CFAP77: variants seen among roughly 807,000 people sequenced by gnomAD.
CFAP77 encodes cilia- and flagella-associated protein 77.
CFAP77 carries 25 observed loss-of-function variants against 31.1 expected under a neutral mutation model. The observed-to-expected ratio is 0.80, with a 90% CI of 0.59 to 1.12. The LOEUF is 1.12. CFAP77 is among the 50% of genes most tolerant of loss of function. CFAP77 has a pLI of 0.00. For synonymous variants in CFAP77, 151 were observed against 159.9 expected (o/e 0.94, Z 0.42); for missense variants, 377 against 397.3 (o/e 0.95, Z 0.44).
intron 1 of CFAP77, among the ~76,000 whole-genome samples, chr9:132,434,356 C>T (rs1034118946): frequency 2.0e-5 from 3 of 151,860 alleles, no homozygotes; most frequent in Non-Finnish European, 2.9e-5. Context: ...GGAACCAGGT[C>T]TTTTTAAATT....
intron 3 of CFAP77, among the ~76,000 whole-genome samples, chr9:132,515,160 C>T (rs1338453319): frequency 6.6e-6 from 1 of 152,222 alleles, no homozygotes; most frequent in Non-Finnish European, 1.5e-5. Context: ...TCCCCAGGCC[C>T]AGAAAGCCAG....
rs373261701 is a variant in CFAP77, at chr9:132,484,722, C to CT, written c.196-13962dup. Among the ~76,000 whole-genome samples the CT allele has an allele frequency of 5.8e-4, 84 of 145,400 alleles. 1 individual carries two copies. Among genetic ancestry groups the CT allele is most frequent in the African/African-American group, 6.5e-4 (26 of 39,810 alleles). On this transcript the variant is annotated intron_variant, in intron 1 of 5. Transcript: ENST00000393216. ...GTACATGTGTTTGAATGCCTGTTTT[C>CT]TTTTTTTTTTTAAATTTTTGTGGGT...
At chr9:132,489,809 T>G (rs1473951085) in intron 1 of CFAP77, among the ~76,000 whole-genome samples, 2 of 152,092 alleles carry the variant, frequency 1.3e-5, no homozygotes, top group Non-Finnish European at 2.9e-5. Flanking sequence ...TGGCCTGGGC[T>G]GGTGGGGCAG....
At chr9:132,449,776 G>C (rs538453590) in intron 1 of CFAP77, among the ~76,000 whole-genome samples, 1 of 152,310 alleles carries the variant, frequency 6.6e-6, no homozygotes, top group East Asian at 1.9e-4. Context: ...AAAGTGGCTG[G>C]ACATTCCACG....
chr9:132,536,391 CTTTTTTTTT>C (rs35488775), intron 3 of CFAP77, among the ~76,000 whole-genome samples: 2 of 122,348 alleles, frequency 1.6e-5, no homozygotes, highest in South Asian at 2.7e-4. Flanking sequence ...GCTCATAGTT[CTTTTTTTTT>C]TTTTTTTTTT....
At chr9:132,485,024 T>C in intron 1 of CFAP77, among the ~76,000 whole-genome samples, 1 of 152,154 alleles carries the variant, frequency 6.6e-6, no homozygotes, top group Non-Finnish European at 1.5e-5. Flanking sequence ...AATTTTTTTA[T>C]TTTTAGTAGA....
chr9:132,572,396 C>A lies in CFAP77; in HGVS notation c.741C>A (p.Arg247=). 1 of 1,613,514 alleles carries A rather than the reference C, an allele frequency of 6.2e-7. No homozygotes were observed. Among genetic ancestry groups the A allele is most frequent in the Non-Finnish European group, 8.5e-7 (1 of 1,179,912 alleles). The change falls in exon 6 of 6, where the codon CGC becomes CGA. Residue 247 remains arginine, a synonymous_variant. Coordinates refer to ENST00000393216, the MANE Select transcript of CFAP77 (RefSeq NM_001282957.2). ...WHMPHFQKVG[R]HLDTFPTEAD... ...TTCCCTTCTATCCACAGGTGGGCCG[C>A]CACCTTGATACGTTCCCCACGGAGG...
intron 3 of CFAP77, among the ~76,000 whole-genome samples, chr9:132,515,098 G>A (rs749920734): frequency 2.0e-5 from 3 of 152,188 alleles, no homozygotes; most frequent in Admixed American, 6.5e-5. Context: ...ACCACTTGGC[G>A]GGGGTGGGGG....
At position 132,424,284 on chromosome 9, in the gene CFAP77, C is replaced by G. The variant is rs536568485; in HGVS notation, c.195+13818C>G. ...CGGCATGGCCTCGGGTGCCTGTAGT[C>G]CCAGCTACTCAGGAGGCTGAGGCAG... On this transcript the variant is annotated intron_variant, in intron 1 of 5. Coordinates refer to ENST00000393216, the MANE Select transcript of CFAP77 (RefSeq NM_001282957.2). This position sits in a 1 kb window ranked among gnomAD's most constrained non-coding sequence, Gnocchi z 4.1. 6.6e-6 allele frequency among the ~76,000 whole-genome samples: 1 copy of G among 152,124 alleles called. No homozygotes were observed.
rs998404140 is a variant in CFAP77, at chr9:132,493,724, C to T, written c.196-4971C>T. On this transcript the variant is annotated intron_variant, in intron 1 of 5. Coordinates refer to ENST00000393216, the MANE Select transcript of CFAP77 (RefSeq NM_001282957.2). ...TTCTGCTGGTGTCTGGCTGCATCCG[C>T]ATGGAGGAGCGCACCCCTTGTGTGT... is the stretch of plus-strand genomic sequence containing the variant. 3.3e-5 allele frequency among the ~76,000 whole-genome samples: 5 copies of T among 152,366 alleles called. No individual in the cohort carries two copies. The East Asian group carries it at 9.6e-4, about 29-fold the overall frequency.
In CFAP77 at chr9:132,455,942, A is replaced by G. The variant is rs1434642191; in HGVS notation, c.196-42753A>G. Among the ~76,000 whole-genome samples the G allele has an allele frequency of 6.6e-6, 1 of 152,158 alleles. No individual in the cohort carries two copies. The highest frequency in any genetic ancestry group is 1.9e-4 in the East Asian group (1 of 5,192). On this transcript the variant is annotated intron_variant, in intron 1 of 5. Transcript: ENST00000393216. This position sits in a 1 kb window ranked among gnomAD's most constrained non-coding sequence, Gnocchi z 4.1. ...GCCACTTATTAGCTGTATAACCTTG[A>G]GCAAGTTATTTATCCACTCTTAGTT...
At chr9:132,544,162 C>G (rs146406424) in intron 5 of CFAP77, among the ~76,000 whole-genome samples, 93 of 152,372 alleles carry the variant, frequency 6.1e-4, no homozygotes, top group East Asian at 4.8e-3. Flanking sequence ...CTCTGCCCCC[C>G]CTTGACGCGG....
Position 132,461,111 on chromosome 9 carries a change from A to G in CFAP77, c.196-37584A>G, listed in dbSNP as rs1373289413. ...AATGTATGCTCATTTATTTACTCAA[A>G]GCCCTCCGCACAGTGCCTGGCACAA... is the stretch of plus-strand genomic sequence containing the variant. On this transcript the variant is annotated intron_variant, in intron 1 of 5. Transcript: ENST00000393216. Among the ~76,000 whole-genome samples, 4 of 152,244 alleles carry G rather than the reference A, an allele frequency of 2.6e-5. No homozygotes were observed. The East Asian group carries it at 7.7e-4, about 29-fold the overall frequency.
chr9:132,532,423 G>A (rs1354133644), intron 3 of CFAP77, among the ~76,000 whole-genome samples: 3 of 152,254 alleles, frequency 2.0e-5, no homozygotes, highest in Admixed American at 6.5e-5. Flanking sequence ...GGGCGGAAGG[G>A]GAACTTTTAC....
chr9:132,426,859 G>A (rs533798091), intron 1 of CFAP77, among the ~76,000 whole-genome samples: 2 of 152,068 alleles, frequency 1.3e-5, no homozygotes, highest in African/African-American at 4.8e-5. Context: ...CTACATTGTC[G>A]AGCAGCCTGC....
intron 4 of CFAP77, among the ~76,000 whole-genome samples, chr9:132,540,944 G>GA (rs1852629829): frequency 6.6e-6 from 1 of 152,156 alleles, no homozygotes; most frequent in Non-Finnish European, 1.5e-5. Context: ...CAGGCACTCA[G>GA]AAAACACTTG....
At chr9:132,548,497 A>T (rs1852771093) in intron 5 of CFAP77, among the ~76,000 whole-genome samples, 1 of 152,168 alleles carries the variant, frequency 6.6e-6, no homozygotes, top group Non-Finnish European at 1.5e-5. Context: ...AAACGCTCGC[A>T]CGCTGCTGGC....
rs999677289 is a variant in CFAP77, at chr9:132,480,711, C to A, written c.196-17984C>A. ...GAGGCTACAGAGTCCGGGGGCTTCT[C>A]CAAGGTGGTGACATTTCAGCTAGGA... On this transcript the variant is annotated intron_variant, in intron 1 of 5. Coordinates refer to ENST00000393216, the MANE Select transcript of CFAP77 (RefSeq NM_001282957.2). This position sits in a 1 kb window ranked among gnomAD's most constrained non-coding sequence, Gnocchi z 5.8. Among the ~76,000 whole-genome samples, 5 of 152,076 alleles carry A rather than the reference C, an allele frequency of 3.3e-5. No individual in the cohort carries two copies. Among genetic ancestry groups the A allele is most frequent in the Admixed American group, 2.0e-4 (3 of 15,280 alleles).
rs945027517 is a variant in CFAP77 at position 132,490,186 on chromosome 9, T to A, written c.196-8509T>A. On this transcript the variant is annotated intron_variant, in intron 1 of 5. Transcript: ENST00000393216. This position sits in a 1 kb window ranked among gnomAD's most constrained non-coding sequence, Gnocchi z 4.6. Reference sequence around the variant, plus strand: ...CAAGGCCTTTTATAAGGGCACCTATTCCCCCATGAGTGCAGAGCCCTCATG... The same window carrying A: ...CAAGGCCTTTTATAAGGGCACCTATACCCCCATGAGTGCAGAGCCCTCATG... Among the ~76,000 whole-genome samples the A allele has an allele frequency of 6.6e-6, 1 of 152,168 alleles. No individual in the cohort carries two copies. The highest frequency in any genetic ancestry group is 1.5e-5 in the Non-Finnish European group (1 of 68,026).
Sources: gnomAD v4.1 joint callset for allele counts (sites outside exome capture counted in the v4.1 genomes callset) on GRCh38, gnomAD v4.1.1 for gene constraint, Gnocchi (gnomAD v3.1) non-coding constraint, MANE v1.5 for transcripts, NCBI Gene and HGNC (gene_info 2026-07-23, HGNC 2026-07-21) for gene names.